PCDH7: variants seen among roughly 807,000 people sequenced by gnomAD.
PCDH7 encodes the protein protocadherin 7.
In PCDH7, 17 loss-of-function variants were observed where a neutral mutation model predicts 58.9. The observed-to-expected ratio is 0.29, with a 90% CI of 0.20 to 0.43. The LOEUF (loss-of-function observed/expected upper bound fraction) is 0.43, where lower values mean the gene tolerates loss of function less well. Among genes scored for constraint, PCDH7 ranks in the 20% least tolerant of loss-of-function variants. The probability of loss-of-function intolerance (pLI) is 1.00; values close to 1 mark genes in which losing one functional copy is unlikely to be tolerated. For synonymous variants in PCDH7, 664 were observed against 616.4 expected, an observed-to-expected ratio of 1.08 and a Z score of -1.14; for missense variants, 1,274 against 1,441.0, an observed-to-expected ratio of 0.88 and a Z score of 1.88.
chr4:30,829,546 C>T (rs1729517393), intron 1 of PCDH7, among the ~76,000 whole-genome samples: 1 of 151,952 alleles, frequency 6.6e-6, no homozygotes, highest in African/African-American at 2.4e-5. Flanking sequence ...ATCAGTATAT[C>T]AGTATTTAGA....
chr4:30,892,298 T>C (rs1278292887), intron 1 of PCDH7, among the ~76,000 whole-genome samples: 2 of 152,068 alleles, frequency 1.3e-5, no homozygotes, highest in African/African-American at 4.8e-5. Flanking sequence ...AAATATATTC[T>C]TAGAAAAATA....
intron 2 of PCDH7, among the ~76,000 whole-genome samples, chr4:30,944,449 C>T (rs1331674883): frequency 6.6e-6 from 1 of 152,094 alleles, no homozygotes; most frequent in East Asian, 1.9e-4. Context: ...ATATACCCCA[C>T]ATAAGCAAAA....
intron 1 of PCDH7, among the ~76,000 whole-genome samples, chr4:30,727,806 T>G (rs895505683): frequency 3.9e-5 from 6 of 151,934 alleles, no homozygotes; most frequent in Non-Finnish European, 7.4e-5. Flanking sequence ...TTTTCAATTT[T>G]CTTTTAAAAT....
downstream of PCDH7, chr4:31,145,136 CT>C (rs370653010): frequency 3.4e-4 from 51 of 151,842 alleles, no homozygotes; most frequent in East Asian, 8.9e-3. Context: ...AAACCCTTCT[CT>C]TGTCTATAAA....
At chr4:31,009,626 G>A (rs966179245) in intron 3 of PCDH7, among the ~76,000 whole-genome samples, 22 of 151,832 alleles carry the variant, frequency 1.4e-4, no homozygotes, top group Non-Finnish European at 2.2e-4. Context: ...GTTATCAGAT[G>A]TATTTTTTAT....
chr4:31,114,949 T>A (rs886637714), intron 3 of PCDH7, among the ~76,000 whole-genome samples: 2 of 152,174 alleles, frequency 1.3e-5, no homozygotes, highest in African/African-American at 4.8e-5. Context: ...ATTCTTTTTC[T>A]CCCATTAGCT....
intron 3 of PCDH7, among the ~76,000 whole-genome samples, chr4:31,110,893 T>A (rs1716210936): frequency 6.7e-6 from 1 of 149,400 alleles, no homozygotes; most frequent in Non-Finnish European, 1.5e-5. Flanking sequence ...TCCGCCTGGA[T>A]GACAGAGCGA....
chr4:30,863,914 ACT>A lies in PCDH7; in HGVS notation c.71-56237_71-56236del, dbSNP rs1437920912. Among the ~76,000 whole-genome samples, 3 of 152,120 alleles carry A rather than the reference ACT, an allele frequency of 2.0e-5. No homozygotes were observed. The East Asian group carries it at 5.8e-4, about 29-fold the overall frequency. On this transcript the variant is annotated intron_variant, in intron 1 of 3. Transcript: ENST00000509759. ...TCTGCTGTCAGTGAGGCTGACTGTAACTCAGACATATGCTGGGTGGCAGCAGA... is the reference window on the plus strand; with the variant it reads ...TCTGCTGTCAGTGAGGCTGACTGTAACAGACATATGCTGGGTGGCAGCAGA...
rs141174311 is a variant in PCDH7, at chr4:31,072,711, A to C, written c.*8-69762A>C. On this transcript the variant is annotated intron_variant, in intron 3 of 3. Coordinates refer to the PCDH7 transcript ENST00000509759. ...CACATTACTCACATCACATTATTGG[A>C]ATGTGTCAAATATAAGAATGGAATG... Among the ~76,000 whole-genome samples, 20 of 152,202 alleles carry C rather than the reference A, an allele frequency of 1.3e-4. No individual in the cohort carries two copies. In the East Asian group the frequency reaches 3.9e-3, roughly 29 times the overall value.
At chr4:31,072,504 G>A (rs1289014468) in intron 3 of PCDH7, among the ~76,000 whole-genome samples, 2 of 152,012 alleles carry the variant, frequency 1.3e-5, no homozygotes, top group East Asian at 1.9e-4. Flanking sequence ...AAAGAAGCAG[G>A]CTTTTGAACT....
intron 3 of PCDH7, among the ~76,000 whole-genome samples, chr4:31,085,285 G>C (rs1712254806): frequency 6.6e-6 from 1 of 152,090 alleles, no homozygotes; most frequent in African/African-American, 2.4e-5. Flanking sequence ...GGTCCATCAA[G>C]TTGCAGGGTC....
intron 1 of PCDH7, among the ~76,000 whole-genome samples, chr4:30,801,284 A>C (rs926341922): frequency 1.3e-4 from 20 of 152,240 alleles, no homozygotes; most frequent in Non-Finnish European, 1.5e-5. Context: ...GGAGGAAAGA[A>C]TTAAACAATT....
In PCDH7 at chr4:30,721,153, A is replaced by C; in HGVS notation, c.-270A>C. The C allele has an allele frequency of 2.2e-6, 1 of 460,180 alleles. No individual in the cohort carries two copies. Among genetic ancestry groups the C allele is most frequent in the Non-Finnish European group, 3.8e-6 (1 of 260,998 alleles). 28.5% of individuals were successfully genotyped at this position (460,180 alleles called of 1,614,324 possible). On this transcript the variant is annotated 5_prime_UTR_variant, in exon 1 of 2. Coordinates refer to ENST00000361762, the Ensembl canonical transcript of PCDH7. The surrounding 1 kb of genome is among the most constrained non-coding windows in gnomAD (Gnocchi z 6.7). ...TACTGCGACTGAACGGCGGCAGGCG[A>C]GCGGGCGATTAGCACCCATTGCATG...
chr4:30,977,783 T>C (rs1460543123), intron 3 of PCDH7, among the ~76,000 whole-genome samples: 3 of 152,174 alleles, frequency 2.0e-5, no homozygotes, highest in Non-Finnish European at 4.4e-5. Flanking sequence ...ACTTTTCCCC[T>C]TCCCTAGTCC....
At chr4:31,129,173 G>C (rs1035708624) in intron 3 of PCDH7, among the ~76,000 whole-genome samples, 4 of 152,116 alleles carry the variant, frequency 2.6e-5, no homozygotes, top group African/African-American at 9.7e-5. Context: ...CCTGCCCATA[G>C]AGAGTGATAT....
At position 30,997,241 on chromosome 4, in the gene PCDH7, T is replaced by G. The variant is rs117720010; in HGVS notation, c.*7+47026T>G. On this transcript the variant is annotated intron_variant, in intron 3 of 3. Coordinates refer to the PCDH7 transcript ENST00000509759. Reference sequence around the variant, plus strand: ...ATTTATAATTCTGTAATCTATGACATTCTTTTAAATTCTATAAATGGTTAT... The same window carrying G: ...ATTTATAATTCTGTAATCTATGACAGTCTTTTAAATTCTATAAATGGTTAT... Among the ~76,000 whole-genome samples, 1,050 of 152,286 alleles carry G rather than the reference T, an allele frequency of 6.9e-3. 10 individuals are homozygous for G. Among genetic ancestry groups the G allele is most frequent in the African/African-American group, 0.023 (944 of 41,578 alleles).
rs374858970 is a variant in PCDH7 at position 30,723,463 on chromosome 4, A to G, written c.2041A>G (p.Asn681Asp). ...AGAGATGAGCCTGTACATAGAGGAG[A>G]ACAATAACATTTTTTCTATTGAAAA... is the stretch of plus-strand genomic sequence containing the variant. The change falls in exon 1 of 2, where the codon AAC becomes GAC. Residue 681 changes from asparagine to aspartate, a missense_variant. Coordinates refer to ENST00000361762, the Ensembl canonical transcript of PCDH7. This position sits in a 1 kb window ranked among gnomAD's most constrained non-coding sequence, Gnocchi z 4.6. 1.7e-5 allele frequency: 28 copies of G among 1,613,992 alleles called. No individual in the cohort carries two copies. The highest frequency in any genetic ancestry group is 2.3e-5 in the Non-Finnish European group (27 of 1,180,024).
intron 3 of PCDH7, among the ~76,000 whole-genome samples, chr4:31,007,767 C>T (rs1752888792): frequency 6.6e-6 from 1 of 151,692 alleles, no homozygotes; most frequent in South Asian, 2.1e-4. Context: ...TAAAATGATT[C>T]AATAATTAAA....
chr4:30,845,857 T>A (rs548372747), intron 1 of PCDH7, among the ~76,000 whole-genome samples: 4 of 152,268 alleles, frequency 2.6e-5, no homozygotes, highest in African/African-American at 9.6e-5. Context: ...CCTCCCAAAG[T>A]GTTGGGATTA....
Sources: gnomAD v4.1 joint callset for allele counts (sites outside exome capture counted in the v4.1 genomes callset) on GRCh38, gnomAD v4.1.1 for gene constraint, Gnocchi (gnomAD v3.1) non-coding constraint, MANE v1.5 for transcripts, NCBI Gene and HGNC (gene_info 2026-07-23, HGNC 2026-07-21) for gene names.